SVOP: variants seen among roughly 807,000 people sequenced by gnomAD.
SVOP encodes synaptic vesicle 2-related protein.
SVOP carries 17 observed loss-of-function variants against 69.1 expected under a neutral mutation model. That is an observed-to-expected ratio of 0.25 (90% confidence interval 0.17 to 0.37). The LOEUF is 0.37. Ranked by LOEUF, SVOP falls within the 10% of genes least tolerant of loss-of-function variation. SVOP has a pLI of 1.00. For synonymous variants in SVOP, 238 were observed against 238.6 expected, an observed-to-expected ratio of 1.00 and a Z score of 0.02; for missense variants, 435 against 597.5, an observed-to-expected ratio of 0.73 and a Z score of 2.84.
chr12:108,994,933 G>A (rs554578575), intron 1 of SVOP, among the ~76,000 whole-genome samples: 2 of 152,198 alleles, frequency 1.3e-5, no homozygotes, highest in African/African-American at 4.8e-5. Flanking sequence ...TCAAGCCCAG[G>A]AGTTCAAGAC....
intron 1 of SVOP, among the ~76,000 whole-genome samples, chr12:108,995,803 G>T (rs2040228538): frequency 6.6e-6 from 1 of 151,782 alleles, no homozygotes; most frequent in Admixed American, 6.6e-5. Context: ...AAGAGGCTGA[G>T]GGCAGGACAA....
intron 1 of SVOP, among the ~76,000 whole-genome samples, chr12:108,999,392 A>C (rs1183265020): frequency 1.3e-5 from 2 of 150,884 alleles, no homozygotes; most frequent in African/African-American, 4.9e-5. Context: ...TGTCAACATT[A>C]GACAGATCAA....
At chr12:108,940,675 T>A (rs1274898038) in intron 8 of SVOP, 109 bp downstream of exon 8, 6 of 1,437,302 alleles carry the variant, frequency 4.2e-6, no homozygotes, top group South Asian at 1.4e-5. Flanking sequence ...TTAAAAAAAA[T>A]AATCTTGAAA....
At chr12:108,941,643 C>T (rs1458076052) in intron 7 of SVOP, among the ~76,000 whole-genome samples, 6 of 151,850 alleles carry the variant, frequency 4.0e-5, no homozygotes, top group Non-Finnish European at 5.9e-5. Context: ...AATTTGCAAA[C>T]GTGAAAGTCT....
chr12:108,983,392 G>T (rs1393276429), intron 2 of SVOP, among the ~76,000 whole-genome samples: 1 of 152,152 alleles, frequency 6.6e-6, no homozygotes, highest in Middle Eastern at 3.2e-3. Flanking sequence ...TCAGCCAAGT[G>T]TTGTGCATTG....
intron 10 of SVOP, 173 bp downstream of exon 10, chr12:108,937,091 C>T (rs1025637048): frequency 5.0e-5 from 33 of 657,902 alleles, no homozygotes; most frequent in South Asian, 1.2e-4. Flanking sequence ...AATGATAGTA[C>T]GTACAGATGA....
At position 108,937,344 on chromosome 12, in the gene SVOP, C is replaced by T. The variant is rs377335526; in HGVS notation, c.898-7G>A. On this transcript the variant is annotated splice_polypyrimidine_tract_variant and splice_region_variant and intron_variant, in intron 9 of 15. Transcript: ENST00000610966. Reference sequence around the variant, plus strand: ...TCATTTTGCCTCGGTCTTCCTGTTTCAAAACAAGGACATAGTGTTTATTCT... The same window carrying T: ...TCATTTTGCCTCGGTCTTCCTGTTTTAAAACAAGGACATAGTGTTTATTCT... 1.7e-5 allele frequency: 27 copies of T among 1,613,624 alleles called. No individual in the cohort carries two copies. The highest frequency in any genetic ancestry group is 2.2e-5 in the East Asian group (1 of 44,892).
At chr12:108,967,551 G>A (rs927335804) in intron 5 of SVOP, among the ~76,000 whole-genome samples, 1 of 152,060 alleles carries the variant, frequency 6.6e-6, no homozygotes, top group African/African-American at 2.4e-5. Flanking sequence ...GGCTGAGCAG[G>A]CCCAGGAGAT....
At chr12:108,944,267 T>G (rs1255976367) in intron 7 of SVOP, among the ~76,000 whole-genome samples, 1 of 151,310 alleles carries the variant, frequency 6.6e-6, no homozygotes, top group East Asian at 2.0e-4. Context: ...AGCCTCAAAC[T>G]CCTGGCCTCA....
intron 15 of SVOP, among the ~76,000 whole-genome samples, chr12:108,914,577 T>G (rs941364298): frequency 6.6e-6 from 1 of 152,138 alleles, no homozygotes; most frequent in African/African-American, 2.4e-5. Context: ...TTTCCTTTTT[T>G]TTTCTTTTTG....
chr12:108,919,086 A>T (rs1274188243), intron 13 of SVOP, among the ~76,000 whole-genome samples: 1 of 145,774 alleles, frequency 6.9e-6, no homozygotes, highest in Admixed American at 6.9e-5. Context: ...TTGGGCCTAC[A>T]CTCACACCTG....
intron 1 of SVOP, among the ~76,000 whole-genome samples, chr12:109,004,882 T>C (rs2040296633): frequency 6.6e-6 from 1 of 151,802 alleles, no homozygotes; most frequent in Admixed American, 6.6e-5. Flanking sequence ...GGATTACAGG[T>C]ATCCACCACC....
chr12:108,980,751 C>T lies in SVOP; in HGVS notation c.197-2088G>A, dbSNP rs1467588907. Among the ~76,000 whole-genome samples the T allele has an allele frequency of 5.7e-3, 577 of 102,064 alleles. 120 individuals are homozygous for T. Among genetic ancestry groups the T allele is most frequent in the African/African-American group, 0.027 (546 of 20,374 alleles). 67.0% of individuals were successfully genotyped at this position (102,064 alleles called of 152,430 possible). ...TGGCCTGGGCAACAGAGCGAGACTC[C>T]GTCTCAAAAAAAAAAAAAAAAAAAT... On this transcript the variant is annotated intron_variant, in intron 2 of 15. Transcript: ENST00000610966.
At position 108,983,054 on chromosome 12, in the gene SVOP, A is replaced by C. The variant is rs932873060; in HGVS notation, c.196+547T>G. On this transcript the variant is annotated intron_variant, in intron 2 of 15. Transcript: ENST00000610966. ...TCATATCATCATCATCACCACCATC[A>C]TCACCATCACCATCATCACCATCAT... 9.6e-4 allele frequency among the ~76,000 whole-genome samples: 145 copies of C among 151,128 alleles called. 2 individuals are homozygous for C. Among genetic ancestry groups the C allele is most frequent in the African/African-American group, 3.5e-3 (143 of 41,042 alleles).
In SVOP at chr12:108,992,824, G is replaced by A. The variant is rs149884498; in HGVS notation, c.36-9063C>T. On this transcript the variant is annotated intron_variant, in intron 1 of 15. Transcript: ENST00000610966. ...ATGCTCTGGGACTAGACAGAGATGA[G>A]GGTTGTGCAACCTTGTAAAACTGCA... Among the ~76,000 whole-genome samples the A allele has an allele frequency of 2.2e-3, 341 of 152,226 alleles. 3 individuals carry two copies. The highest frequency in any genetic ancestry group is 7.9e-3 in the African/African-American group (327 of 41,514).
At position 108,912,390 on chromosome 12, in the gene SVOP, G is replaced by A. The variant is rs1162591140; in HGVS notation, c.*145C>T. On this transcript the variant is annotated 3_prime_UTR_variant, in exon 16 of 16. Coordinates refer to ENST00000610966, the MANE Select transcript of SVOP (RefSeq NM_018711.5). ...GGACCTCAATGAAGATGAGCAAACT[G>A]AGTCAAGACACAAAACCCTGTTGGT... 7.3e-6 allele frequency: 11 copies of A among 1,510,102 alleles called. No individual in the cohort carries two copies. Among genetic ancestry groups the A allele is most frequent in the Non-Finnish European group, 8.8e-6 (10 of 1,134,444 alleles). 93.5% of individuals were successfully genotyped at this position (1,510,102 alleles called of 1,614,324 possible).
At chr12:108,996,890 C>A (rs1183693428) in intron 1 of SVOP, among the ~76,000 whole-genome samples, 1 of 152,120 alleles carries the variant, frequency 6.6e-6, no homozygotes, top group Non-Finnish European at 1.5e-5. Context: ...TGTGATTACA[C>A]CACTGCACTC....
Position 108,921,114 on chromosome 12 carries a change from A to G in SVOP, c.1157-1328T>C, listed in dbSNP as rs112001729. ...AGAATCTGGGTTTCAGAGAGGTAAA[A>G]TCACAGAAATGGTGACTGCTTCCAG... is the stretch of plus-strand genomic sequence containing the variant. On this transcript the variant is annotated intron_variant, in intron 12 of 15. Coordinates refer to ENST00000610966, the MANE Select transcript of SVOP (RefSeq NM_018711.5). Among the ~76,000 whole-genome samples, 14 of 152,342 alleles carry G rather than the reference A, an allele frequency of 9.2e-5. 1 individual carries two copies. Among genetic ancestry groups the G allele is most frequent in the African/African-American group, 3.4e-4 (14 of 41,570 alleles).
chr12:108,949,726 G>C, intron 6 of SVOP, among the ~76,000 whole-genome samples: 1 of 142,302 alleles, frequency 7.0e-6, no homozygotes, highest in African/African-American at 2.6e-5. Context: ...AACATACACA[G>C]CACACTGTCA....
Sources: gnomAD v4.1 joint callset for allele counts (sites outside exome capture counted in the v4.1 genomes callset) on GRCh38, gnomAD v4.1.1 for gene constraint, MANE v1.5 for transcripts, NCBI Gene and HGNC (gene_info 2026-07-23, HGNC 2026-07-21) for gene names.